The following CHD9 variants were observed in gnomAD, a reference collection of about 807,000 sequenced individuals.
CHD9 encodes the protein chromodomain helicase DNA binding protein 9.
Under a neutral mutation model 316.1 loss-of-function variants are expected in CHD9, and 77 were observed. The observed-to-expected ratio is 0.24, with a 90% CI of 0.20 to 0.29. CHD9 has a LOEUF of 0.29. Ranked by LOEUF, CHD9 falls within the 10% of genes least tolerant of loss-of-function variation. The pLI, the probability that CHD9 is intolerant of heterozygous loss-of-function variation, is 1.00. For synonymous variants in CHD9, 1,129 were observed against 1,158.3 expected (o/e 0.97, Z 0.51); for missense variants, 2,763 against 3,438.1 (o/e 0.80, Z 4.91).
intron 1 of CHD9, among the ~76,000 whole-genome samples, chr16:53,118,018 G>A (rs1022121476): frequency 4.0e-5 from 6 of 151,714 alleles, no homozygotes; most frequent in African/African-American, 1.5e-4. Context: ...TAGTAGAGAC[G>A]GGGTTTCATC....
chr16:53,315,660 A>C (rs1165530479), intron 36 of CHD9, among the ~76,000 whole-genome samples: 1 of 151,964 alleles, frequency 6.6e-6, no homozygotes, highest in Non-Finnish European at 1.5e-5. Context: ...TGTATTTTTC[A>C]TAGAAACAGG....
chr16:53,128,566 T>C (rs1647445900), intron 1 of CHD9, among the ~76,000 whole-genome samples: 1 of 152,336 alleles, frequency 6.6e-6, no homozygotes, highest in African/African-American at 2.4e-5. Flanking sequence ...GCCCATTGCC[T>C]GGTGGAAATG....
chr16:53,274,276 G>A lies in CHD9; in HGVS notation c.4941G>A (p.Gln1647=), dbSNP rs778647752. The change falls in exon 24 of 39, where the codon CAG becomes CAA. Residue 1647 remains glutamine (Q), a synonymous_variant. Transcript: ENST00000447540. The part of the protein sequence containing the change: ...LKQEVIGNEC[Q]KVFDGVDASD... ...AAGAAGTTATTGGAAATGAGTGTCA[G>A]AAAGTATTTGATGGAGTTGATGCAA... 6.3e-6 allele frequency: 10 copies of A among 1,594,362 alleles called. No homozygotes were observed. Among genetic ancestry groups the A allele is most frequent in the African/African-American group, 1.4e-5 (1 of 73,922 alleles).
intron 17 of CHD9, among the ~76,000 whole-genome samples, chr16:53,253,089 A>G (rs1051524312): frequency 6.6e-6 from 1 of 152,170 alleles, no homozygotes; most frequent in Non-Finnish European, 1.5e-5. Flanking sequence ...CGAAAAAGAT[A>G]CTTGGACACA....
intron 24 of CHD9, among the ~76,000 whole-genome samples, chr16:53,275,512 A>G (rs1197789646): frequency 6.6e-6 from 1 of 152,198 alleles, no homozygotes; most frequent in African/African-American, 2.4e-5. Flanking sequence ...AATGTAATAA[A>G]TACTTTTGTG....
At chr16:53,153,767 G>A (rs140901827) in intron 1 of CHD9, among the ~76,000 whole-genome samples, 3 of 152,070 alleles carry the variant, frequency 2.0e-5, no homozygotes, top group Admixed American at 6.5e-5. Flanking sequence ...GAACTCCTGG[G>A]CTTAATAAGC....
chr16:53,169,559 C>A (rs1439236657), intron 2 of CHD9: 1 of 152,086 alleles, frequency 6.6e-6, no homozygotes, highest in African/African-American at 2.4e-5. Context: ...GAATAGTACC[C>A]TTTACATATA....
intron 2 of CHD9, chr16:53,208,299 C>G (rs890961520): frequency 3.9e-5 from 50 of 1,278,382 alleles, no homozygotes; most frequent in Non-Finnish European, 4.9e-5. Flanking sequence ...AGAGGGCAAG[C>G]CTTTGTCTGA....
At position 53,106,022 on chromosome 16, in the gene CHD9, C is replaced by T. The variant is rs967810657; in HGVS notation, c.-164-49904C>T. Among the ~76,000 whole-genome samples the T allele has an allele frequency of 3.9e-5, 6 of 152,036 alleles. No individual in the cohort carries two copies. In the South Asian group the frequency reaches 1.2e-3, roughly 32 times the overall value. ...TATCTTTAGTAGAGATGGGGTTTCA[C>T]CATGTTGACCAGGCTTCGAACTCCT... On this transcript the variant is annotated intron_variant, in intron 1 of 38. Coordinates refer to ENST00000447540, the MANE Select transcript of CHD9 (RefSeq NM_001308319.2).
rs767015326 is a variant in CHD9, at chr16:53,291,774, T to C, written c.5290+7T>C. 1.3e-6 allele frequency: 2 copies of C among 1,528,528 alleles called. No homozygotes were observed. Among genetic ancestry groups the C allele is most frequent in the Non-Finnish European group, 1.8e-6 (2 of 1,130,538 alleles). 94.7% of individuals were successfully genotyped at this position (1,528,528 alleles called of 1,614,324 possible). On this transcript the variant is annotated splice_region_variant and intron_variant, in intron 28 of 38. Transcript: ENST00000447540. ...CTTGTTATAGCAGATGGAGGTAAAT[T>C]GCACGTACTTCTGTACTTAGTATTA...
intron 1 of CHD9, among the ~76,000 whole-genome samples, chr16:53,124,120 A>G (rs1381490047): frequency 6.6e-6 from 1 of 152,184 alleles, no homozygotes; most frequent in African/African-American, 2.4e-5. Context: ...GCTGGGTTAT[A>G]TGGTAACTAT....
At chr16:53,215,599 T>A (rs1450537425) in intron 3 of CHD9, among the ~76,000 whole-genome samples, 1 of 152,192 alleles carries the variant, frequency 6.6e-6, no homozygotes, top group East Asian at 1.9e-4. Context: ...TTCACTGAGC[T>A]TGCAAAGAAA....
At chr16:53,254,953 A>C (rs1038810528) in intron 18 of CHD9, among the ~76,000 whole-genome samples, 2 of 152,158 alleles carry the variant, frequency 1.3e-5, no homozygotes, top group Non-Finnish European at 2.9e-5. Flanking sequence ...TTGTCTTGTT[A>C]TAAATGATGA....
chr16:53,064,416 G>A (rs2152502858), intron 1 of CHD9, among the ~76,000 whole-genome samples: 1 of 152,232 alleles, frequency 6.6e-6, no homozygotes, highest in South Asian at 2.1e-4. Context: ...GCTCATTCCA[G>A]GGGCTCAGGG....
chr16:53,293,198 T>C (rs1027947162), intron 29 of CHD9, 146 bp downstream of exon 29: 2 of 645,738 alleles, frequency 3.1e-6, no homozygotes, highest in South Asian at 1.9e-5. Context: ...TACACACATA[T>C]ACTCACACAT....
rs1486972616 is a variant in CHD9 at position 53,156,851 on chromosome 16, A to G, written c.762A>G (p.Gly254=). Residue 254 remains glycine, a synonymous_variant, in exon 2 of 39, where the codon GGA becomes GGG. Transcript: ENST00000447540. Reference sequence around the variant, plus strand: ...GTCATCAAGAAGGAAATTTTAATGGACCTTCCCCAAATATGACTTCTTGTT... The same window carrying G: ...GTCATCAAGAAGGAAATTTTAATGGGCCTTCCCCAAATATGACTTCTTGTT... The part of the protein sequence containing the change: ...CSSHQEGNFN[G]PSPNMTSCSV... The G allele has an allele frequency of 1.2e-6, 2 of 1,613,580 alleles. No individual in the cohort carries two copies. The highest frequency in any genetic ancestry group is 1.7e-6 in the Non-Finnish European group (2 of 1,179,772).
intron 1 of CHD9, among the ~76,000 whole-genome samples, chr16:53,153,380 G>T (rs192379362): frequency 9.7e-4 from 148 of 152,272 alleles, no homozygotes; most frequent in Middle Eastern, 6.8e-3. Flanking sequence ...AGAATTACTG[G>T]GGCAATGCCT....
chr16:53,113,638 G>C (rs1389702737), intron 1 of CHD9, among the ~76,000 whole-genome samples: 1 of 151,868 alleles, frequency 6.6e-6, no homozygotes, highest in African/African-American at 2.4e-5. Context: ...ACTGGAGGAG[G>C]AGAGTGGTTT....
At chr16:53,121,732 C>T (rs1005885735) in intron 1 of CHD9, 1 of 167,700 alleles carries the variant, frequency 6.0e-6, no homozygotes, top group Non-Finnish European at 1.3e-5. Context: ...GCATACCTAG[C>T]CCTCATTTCT....
Sources: gnomAD v4.1 joint callset for allele counts (sites outside exome capture counted in the v4.1 genomes callset) on GRCh38, gnomAD v4.1.1 for gene constraint, MANE v1.5 for transcripts, NCBI Gene and HGNC (gene_info 2026-07-23, HGNC 2026-07-21) for gene names.